Variants in ENTPD1 observed in about 807,000 individuals in gnomAD.
The protein encoded by ENTPD1 is ectonucleoside triphosphate diphosphohydrolase 1.
ENTPD1 carries 33 observed loss-of-function variants against 57.0 expected under a neutral mutation model. The observed-to-expected ratio is 0.58, with a 90% CI of 0.44 to 0.77. The LOEUF (loss-of-function observed/expected upper bound fraction) is 0.77. Ranked by LOEUF, ENTPD1 falls within the 30% of genes least tolerant of loss-of-function variation. The pLI, the probability that ENTPD1 is intolerant of heterozygous loss-of-function variation, is 0.00. For missense variants in ENTPD1, 501 were observed against 603.4 expected, an observed-to-expected ratio of 0.83 and a Z score of 1.78; for synonymous variants, 202 against 218.8, an observed-to-expected ratio of 0.92 and a Z score of 0.68.
At chr10:95,822,348 G>A (rs2098356169) in intron 1 of ENTPD1, among the ~76,000 whole-genome samples, 2 of 151,698 alleles carry the variant, frequency 1.3e-5, no homozygotes, top group Admixed American at 1.3e-4. Flanking sequence ...CCAGCCTGGA[G>A]TGCAGTGGTG....
rs149524527 is a variant in ENTPD1, at chr10:95,871,920, G to C, written c.*5537G>C. On this transcript the variant is annotated 3_prime_UTR_variant, in exon 10 of 10. Coordinates refer to ENST00000371205, the MANE Select transcript of ENTPD1 (RefSeq NM_001776.6). ...AGGGAAGAAAAAGTCTTGGGAGCTA[G>C]TCAGGGAATAGTGTGTATTTGCAAT... 10 of 985,384 alleles carry C rather than the reference G, an allele frequency of 1.0e-5. No homozygotes were observed. In the East Asian group the frequency reaches 1.1e-3, roughly 112 times the overall value. The allele number at this position is 985,384 out of a possible 1,614,324, so 61.0% of individuals were successfully genotyped here.
In ENTPD1 at chr10:95,872,841, T is replaced by C; in HGVS notation, c.*6458T>C. On this transcript the variant is annotated 3_prime_UTR_variant, in exon 10 of 10. Coordinates refer to ENST00000371205, the MANE Select transcript of ENTPD1 (RefSeq NM_001776.6). Reference sequence around the variant, plus strand: ...TCCAGGTTTTAAGAACCAGCCCAACTCCTGGTTCCCTGATGAAGCTTTTAT... The same window carrying C: ...TCCAGGTTTTAAGAACCAGCCCAACCCCTGGTTCCCTGATGAAGCTTTTAT... 1.0e-6 allele frequency: 1 copy of C among 985,412 alleles called. No homozygotes were observed. Among genetic ancestry groups the C allele is most frequent in the South Asian group, 4.7e-5 (1 of 21,292 alleles). 61.0% of individuals were successfully genotyped at this position (985,412 alleles called of 1,614,324 possible).
chr10:95,865,740 C>A (rs555942317), intron 9 of ENTPD1, among the ~76,000 whole-genome samples: 1 of 152,216 alleles, frequency 6.6e-6, no homozygotes, highest in East Asian at 1.9e-4. Flanking sequence ...AGGACTGACA[C>A]ACGAGGTAGT....
At chr10:95,773,722 C>T (rs2098123583) in intron 1 of ENTPD1, among the ~76,000 whole-genome samples, 1 of 152,196 alleles carries the variant, frequency 6.6e-6, no homozygotes, top group Non-Finnish European at 1.5e-5. Context: ...TTTTCTTAAT[C>T]CGGTCTATCA....
rs930451912 is a variant in ENTPD1 at position 95,871,914 on chromosome 10, G to A, written c.*5531G>A. On this transcript the variant is annotated 3_prime_UTR_variant, in exon 10 of 10. Coordinates refer to ENST00000371205, the MANE Select transcript of ENTPD1 (RefSeq NM_001776.6). ...GAAGAGAGGGAAGAAAAAGTCTTGG[G>A]AGCTAGTCAGGGAATAGTGTGTATT... 6.1e-6 allele frequency: 6 copies of A among 985,368 alleles called. No individual in the cohort carries two copies. In the South Asian group the frequency reaches 2.8e-4, roughly 46 times the overall value. 61.0% of individuals were successfully genotyped at this position (985,368 alleles called of 1,614,324 possible).
chr10:95,756,392 T>C, intron 1 of ENTPD1, 137 bp downstream of exon 1: 2 of 987,482 alleles, frequency 2.0e-6, no homozygotes, highest in Non-Finnish European at 3.0e-6. Context: ...CTCTTCCTTC[T>C]GAGAGGAGGC....
chr10:95,873,392 C>T lies in ENTPD1; in HGVS notation c.*7009C>T, dbSNP rs937442441. 3.9e-5 allele frequency: 38 copies of T among 985,488 alleles called. No homozygotes were observed. Among genetic ancestry groups the T allele is most frequent in the Middle Eastern group, 5.2e-4 (1 of 1,938 alleles). 61.0% of individuals were successfully genotyped at this position (985,488 alleles called of 1,614,324 possible). ...GGAGATCCCTCTCTGCCTTGCCTTGCCCTCTGCCTTTGGAGACCAGCACCT... is the reference window on the plus strand; with the variant it reads ...GGAGATCCCTCTCTGCCTTGCCTTGTCCTCTGCCTTTGGAGACCAGCACCT... On this transcript the variant is annotated 3_prime_UTR_variant, in exon 10 of 10. Transcript: ENST00000371205.
At chr10:95,800,971 A>G (rs1287108832) in intron 1 of ENTPD1, among the ~76,000 whole-genome samples, 1 of 152,222 alleles carries the variant, frequency 6.6e-6, no homozygotes, top group Non-Finnish European at 1.5e-5. Flanking sequence ...GGCATAAGAA[A>G]TTATAAGAGT....
intron 2 of ENTPD1, among the ~76,000 whole-genome samples, chr10:95,836,487 A>G (rs988377924): frequency 6.6e-6 from 1 of 152,236 alleles, no homozygotes; most frequent in African/African-American, 2.4e-5. Flanking sequence ...AGAAACTTTT[A>G]GTACTCTTAA....
In ENTPD1 at chr10:95,823,303, C is replaced by T; in HGVS notation, c.83C>T (p.Ala28Val). The change falls in exon 2 of 10, where the codon GCT becomes GTT. Residue 28 changes from alanine (A) to valine (V), a missense_variant. Transcript: ENST00000371205. Reference sequence around the variant, plus strand: ...ATCCTTGGCTTCTCCTCTATCATAGCTGTGATAGCTTTGCTTGCTGTGGGG... The same window carrying T: ...ATCCTTGGCTTCTCCTCTATCATAGTTGTGATAGCTTTGCTTGCTGTGGGG... ...LAILGFSSII[A>V]VIALLAVGLT... 6.2e-7 allele frequency: 1 copy of T among 1,614,208 alleles called. No individual in the cohort carries two copies.
intron 1 of ENTPD1, among the ~76,000 whole-genome samples, chr10:95,748,600 GA>G (rs2098008574): frequency 1.3e-5 from 2 of 152,100 alleles, no homozygotes; most frequent in South Asian, 4.1e-4. Context: ...AAGGGCTTTG[GA>G]AAAATTATAG....
chr10:95,866,075 ATT>A, intron 9 of ENTPD1, 100 bp from the exon 10 acceptor site: 1 of 1,475,372 alleles, frequency 6.8e-7, no homozygotes, highest in Non-Finnish European at 9.3e-7. Flanking sequence ...AGTGATTTAT[ATT>A]GTTTGAACTC....
intron 1 of ENTPD1, among the ~76,000 whole-genome samples, chr10:95,738,993 T>C (rs565766407): frequency 1.6e-4 from 24 of 146,418 alleles, no homozygotes; most frequent in Middle Eastern, 3.6e-3. Context: ...TCCCAGGGCA[T>C]ATAAAAATTA....
intron 2 of ENTPD1, among the ~76,000 whole-genome samples, chr10:95,831,610 T>G (rs925642234): frequency 1.3e-5 from 2 of 152,246 alleles, no homozygotes; most frequent in African/African-American, 4.8e-5. Context: ...ATCTTTATTT[T>G]ATTCCCACTG....
At chr10:95,756,541 CTT>C in intron 1 of ENTPD1, 1 of 440,066 alleles carries the variant, frequency 2.3e-6, no homozygotes, top group Non-Finnish European at 4.1e-6. Context: ...AGGCAAATGA[CTT>C]TTTCAGTCCC....
intron 1 of ENTPD1, among the ~76,000 whole-genome samples, chr10:95,724,807 G>A (rs1391906049): frequency 6.6e-6 from 1 of 152,218 alleles, no homozygotes; most frequent in Non-Finnish European, 1.5e-5. Context: ...GTGTGCAGTT[G>A]CAAGATTTAA....
intron 2 of ENTPD1, among the ~76,000 whole-genome samples, chr10:95,823,748 T>A (rs2098362831): frequency 6.6e-6 from 1 of 152,150 alleles, no homozygotes; most frequent in Non-Finnish European, 1.5e-5. Flanking sequence ...TTCTTTTTAC[T>A]TCATTATTAT....
intron 7 of ENTPD1, among the ~76,000 whole-genome samples, chr10:95,858,434 C>T (rs183455523): frequency 2.6e-5 from 4 of 152,052 alleles, no homozygotes; most frequent in Admixed American, 1.3e-4. Flanking sequence ...TTAGGAGCCA[C>T]CAAAGGTTTT....
chr10:95,867,389 A>G lies in ENTPD1; in HGVS notation c.*1006A>G. ...AGACTATCCTGGGTAGGCAGAAACC[A>G]TAGATCTTTTGTGTTTACAGCTATG... On this transcript the variant is annotated 3_prime_UTR_variant, in exon 10 of 10. Coordinates refer to ENST00000371205, the MANE Select transcript of ENTPD1 (RefSeq NM_001776.6). The G allele has an allele frequency of 1.0e-6, 1 of 985,478 alleles. No individual in the cohort carries two copies. Among genetic ancestry groups the G allele is most frequent in the Non-Finnish European group, 1.2e-6 (1 of 829,934 alleles). The allele number at this position is 985,478 out of a possible 1,614,324, so 61.0% of individuals were successfully genotyped here. A position where few individuals can be genotyped will look rare whatever the true frequency, so the allele number is the denominator to read the frequency against.
Sources: gnomAD v4.1 joint callset for allele counts (sites outside exome capture counted in the v4.1 genomes callset) on GRCh38, gnomAD v4.1.1 for gene constraint, MANE v1.5 for transcripts, NCBI Gene and HGNC (gene_info 2026-07-23, HGNC 2026-07-21) for gene names.